Variants in MRTFB observed in about 807,000 individuals in gnomAD.
The protein encoded by MRTFB is myocardin-related transcription factor B.
In MRTFB, 29 loss-of-function variants were observed where a neutral mutation model predicts 104.2. The observed-to-expected ratio is 0.28, with a 90% CI of 0.21 to 0.38. The LOEUF is 0.38. Ranked by LOEUF, MRTFB falls within the 10% of genes least tolerant of loss-of-function variation. The pLI is 1.00. For missense variants in MRTFB, 1,270 were observed against 1,341.6 expected (o/e 0.95, Z 0.83); for synonymous variants, 535 against 519.5 (o/e 1.03, Z -0.41).
At chr16:14,008,900 G>A in the MRTFB span, among the ~76,000 whole-genome samples, 2 of 105,192 alleles carry the variant, frequency 1.9e-5, no homozygotes, top group African/African-American at 6.2e-5. Context: ...TACTTCTTTG[G>A]TTAAATGTAT....
At chr16:14,103,219 T>C (rs766983053) in intron 2 of MRTFB, among the ~76,000 whole-genome samples, 1 of 152,160 alleles carries the variant, frequency 6.6e-6, no homozygotes, top group Non-Finnish European at 1.5e-5. Flanking sequence ...CTTACTTACC[T>C]TAAAGTCAGG....
chr16:14,118,149 T>A (rs1447064359), intron 2 of MRTFB, among the ~76,000 whole-genome samples: 4 of 150,740 alleles, frequency 2.7e-5, no homozygotes, highest in Admixed American at 6.6e-5. Flanking sequence ...TTTCTTTTTT[T>A]TTTGTGAGAC....
chr16:14,127,927 A>T (rs77237217), intron 2 of MRTFB, among the ~76,000 whole-genome samples: 662 of 38,408 alleles, frequency 0.017, 3 homozygotes, highest in African/African-American at 0.062. Context: ...ATATATATAT[A>T]TATTTTTTTT....
At chr16:14,057,534 G>C in the MRTFB span, among the ~76,000 whole-genome samples, 1 of 152,106 alleles carries the variant, frequency 6.6e-6, no homozygotes, top group Non-Finnish European at 1.5e-5. Context: ...AACCTTTCAT[G>C]GCTGGGTCAT....
intron 8 of MRTFB, among the ~76,000 whole-genome samples, chr16:14,231,054 A>G (rs1332105877): frequency 6.0e-5 from 9 of 150,956 alleles, no homozygotes; most frequent in East Asian, 2.0e-4. Context: ...AACACCACGT[A>G]TTCTCACTCA....
intron 11 of MRTFB, among the ~76,000 whole-genome samples, chr16:14,246,085 A>G (rs960638852): frequency 3.3e-5 from 5 of 152,194 alleles, no homozygotes; most frequent in Admixed American, 2.0e-4. Context: ...CCCGATCTGT[A>G]AAATGGGAAG....
At chr16:14,204,781 A>G (rs1445261873) in intron 3 of MRTFB, among the ~76,000 whole-genome samples, 1 of 152,224 alleles carries the variant, frequency 6.6e-6, no homozygotes, top group Non-Finnish European at 1.5e-5. Context: ...CTACAATTGC[A>G]AAAGACAATG....
At chr16:14,141,128 G>A (rs1278288477) in intron 3 of MRTFB, 2 of 190,954 alleles carry the variant, frequency 1.0e-5, no homozygotes, top group South Asian at 1.2e-4. Flanking sequence ...CTCCATCTCC[G>A]GTGTGTTGCA....
At chr16:14,136,621 T>C (rs566254291) in intron 2 of MRTFB, among the ~76,000 whole-genome samples, 1 of 152,310 alleles carries the variant, frequency 6.6e-6, no homozygotes, top group African/African-American at 2.4e-5. Context: ...TAGCACTGAT[T>C]TGGGGACTAC....
At chr16:14,225,076 C>T (rs914158451) in intron 8 of MRTFB, among the ~76,000 whole-genome samples, 1 of 152,126 alleles carries the variant, frequency 6.6e-6, no homozygotes, top group Non-Finnish European at 1.5e-5. Flanking sequence ...ATCCCAGCTA[C>T]TCGGGAGGCT....
rs759961486 is a variant in MRTFB at position 14,246,791 on chromosome 16, G to C, written c.1531G>C (p.Glu511Gln). Reference protein sequence around the residue: ...SPLPISPSPSEQSSLSTDDTN... With the variant: ...SPLPISPSPSQQSSLSTDDTN... ...TCTGCCCATTTCACCATCTCCCTCC[G>C]AACAGTCCAGTCTCAGTACTGATGA... Residue 511 changes from glutamate to glutamine, a missense_variant, in exon 12 of 17, where the codon GAA (glutamate) becomes CAA (glutamine). Glu to Gln is a conservative substitution (Grantham distance 29). Around this residue, in one of 3 missense-constraint regions of MRTFB, gnomAD observed 1,144 missense variants for 1,131.5 expected, o/e 1.01. Transcript: ENST00000571589. The C allele has an allele frequency of 6.2e-7, 1 of 1,613,548 alleles. No homozygotes were observed. The highest frequency in any genetic ancestry group is 1.3e-5 in the African/African-American group (1 of 74,990).
chr16:14,226,552 A>G (rs1472854844), intron 8 of MRTFB, among the ~76,000 whole-genome samples: 3 of 152,362 alleles, frequency 2.0e-5, no homozygotes, highest in African/African-American at 7.2e-5. Context: ...AAAGATCTAA[A>G]TATAATAACT....
intron 8 of MRTFB, among the ~76,000 whole-genome samples, chr16:14,226,948 C>A (rs1206173717): frequency 6.6e-6 from 1 of 151,050 alleles, no homozygotes; most frequent in Non-Finnish European, 1.5e-5. Context: ...CCACTGCACT[C>A]CAGCCTGGGG....
Position 14,242,789 on chromosome 16 carries a change from G to A in MRTFB, c.1079+2305G>A, listed in dbSNP as rs1404239229. 4.0e-5 allele frequency among the ~76,000 whole-genome samples: 6 copies of A among 151,858 alleles called. No individual in the cohort carries two copies. In the East Asian group the frequency reaches 5.8e-4, roughly 15 times the overall value. ...ATTTGGGAGAAAAATAGATTAACAT[G>A]TTTCTGTTATTTTAAAGATTGAGTA... On this transcript the variant is annotated intron_variant, in intron 10 of 16. Coordinates refer to ENST00000571589, the MANE Select transcript of MRTFB (RefSeq NM_001308142.2).
intron 2 of MRTFB, among the ~76,000 whole-genome samples, chr16:14,100,054 T>C (rs1318448808): frequency 6.6e-6 from 1 of 152,246 alleles, no homozygotes; most frequent in African/African-American, 2.4e-5. Flanking sequence ...GAAGACAGTT[T>C]TACTTCTTCC....
At chr16:14,218,279 T>A (rs2041516502) in intron 7 of MRTFB, among the ~76,000 whole-genome samples, 1 of 152,132 alleles carries the variant, frequency 6.6e-6, no homozygotes, top group Non-Finnish European at 1.5e-5. Context: ...CAGGATGGTC[T>A]CGATCTCCTG....
At chr16:14,019,702 C>G in the MRTFB span, among the ~76,000 whole-genome samples, 10 of 152,168 alleles carry the variant, frequency 6.6e-5, no homozygotes, top group African/African-American at 2.4e-4. Context: ...TTTCTGGAAA[C>G]CATTTCTACA....
chr16:14,094,966 AT>A (rs2142000467), intron 2 of MRTFB, among the ~76,000 whole-genome samples: 1 of 152,310 alleles, frequency 6.6e-6, no homozygotes, highest in Admixed American at 6.5e-5. Flanking sequence ...TATCAGAATT[AT>A]TTTAAATATA....
chr16:14,174,941 A>G (rs893351014), intron 3 of MRTFB, among the ~76,000 whole-genome samples: 6 of 151,916 alleles, frequency 3.9e-5, no homozygotes, highest in African/African-American at 1.5e-4. Context: ...GGTTTTCTTT[A>G]TTTCTTTTTT....
Sources: allele counts gnomAD v4.1 joint callset (sites outside exome capture counted in the v4.1 genomes callset), GRCh38; gene constraint gnomAD v4.1.1; regional missense constraint gnomAD v4.1.1; transcripts MANE v1.5; gene names NCBI Gene and HGNC (gene_info 2026-07-23, HGNC 2026-07-21).